Variants in TFEC observed in about 807,000 individuals in gnomAD.
The protein encoded by TFEC is transcription factor EC.
In TFEC, 31 loss-of-function variants were observed where a neutral mutation model predicts 41.6. The ratio of observed to expected loss-of-function variants is 0.74; its 90% confidence interval spans 0.56 to 1.01. The LOEUF is 1.01. TFEC is among the 50% of genes least tolerant of loss of function. The pLI, the probability that TFEC is intolerant of heterozygous loss-of-function variation, is 0.00. For synonymous variants in TFEC, 143 were observed against 140.6 expected, an observed-to-expected ratio of 1.02 and a Z score of -0.12; for missense variants, 402 against 404.1, an observed-to-expected ratio of 0.99 and a Z score of 0.04.
At chr7:116,124,003 G>T (rs532595850) in intron 1 of TFEC, among the ~76,000 whole-genome samples, 2 of 152,256 alleles carry the variant, frequency 1.3e-5, no homozygotes, top group South Asian at 4.1e-4. Flanking sequence ...ACTTTTAGTT[G>T]TCTATGGGTA....
At chr7:116,055,942 G>C (rs967712074) in intron 3 of TFEC, among the ~76,000 whole-genome samples, 20 of 151,932 alleles carry the variant, frequency 1.3e-4, no homozygotes, top group African/African-American at 4.6e-4. Flanking sequence ...ATAATTAACA[G>C]CTCTTAGAGA....
chr7:116,151,273 C>T (rs866476514), intron 1 of TFEC, among the ~76,000 whole-genome samples: 1 of 132,104 alleles, frequency 7.6e-6, no homozygotes, highest in African/African-American at 2.9e-5. Flanking sequence ...GATGGAGTCT[C>T]GCTCTGTCAC....
intron 3 of TFEC, among the ~76,000 whole-genome samples, chr7:116,109,769 T>C (rs1797806792): frequency 1.3e-5 from 2 of 152,186 alleles, no homozygotes; most frequent in South Asian, 4.1e-4. Context: ...TAAAGACACA[T>C]GCACACGTAT....
intron 1 of TFEC, among the ~76,000 whole-genome samples, chr7:116,155,796 T>TTACC (rs1798858820): frequency 1.3e-5 from 2 of 152,146 alleles, no homozygotes; most frequent in African/African-American, 4.8e-5. Context: ...CGGGGCTGCC[T>TTACC]AATTATTAAG....
intron 1 of TFEC, among the ~76,000 whole-genome samples, chr7:115,996,658 C>T (rs1279491643): frequency 3.9e-5 from 6 of 152,044 alleles, no homozygotes; most frequent in Admixed American, 1.3e-4. Flanking sequence ...ACTTGGCTAT[C>T]AGACAGCATT....
chr7:115,968,148 C>G (rs1170827089), intron 3 of TFEC: 1 of 1,511,882 alleles, frequency 6.6e-7, no homozygotes, highest in East Asian at 2.5e-5. Flanking sequence ...GGTTTCATCT[C>G]CAAACACTGA....
At chr7:115,956,183 G>T (rs916369988) in intron 4 of TFEC, among the ~76,000 whole-genome samples, 18 of 151,712 alleles carry the variant, frequency 1.2e-4, no homozygotes, top group African/African-American at 3.6e-4. Flanking sequence ...AAAACTCAGG[G>T]TTTATTTTCA....
In TFEC at chr7:115,938,384, ATT is replaced by A. The variant is rs1793331769; in HGVS notation, c.*2165_*2166del. ...TTATCAACTCAGATAATGAAGTGGA[ATT>A]TTGTTATAAAATTAAAAGTATGTAA... is the stretch of plus-strand genomic sequence containing the variant. On this transcript the variant is annotated 3_prime_UTR_variant, in exon 8 of 8. Transcript: ENST00000265440. 6.6e-6 allele frequency: 1 copy of A among 151,926 alleles called. No homozygotes were observed. Among genetic ancestry groups the A allele is most frequent in the Non-Finnish European group, 1.5e-5 (1 of 67,888 alleles). 9.4% of individuals were successfully genotyped at this position (151,926 alleles called of 1,614,324 possible).
chr7:115,971,181 G>C (rs1793117424), intron 3 of TFEC, among the ~76,000 whole-genome samples: 1 of 151,884 alleles, frequency 6.6e-6, no homozygotes, highest in South Asian at 2.1e-4. Flanking sequence ...TCTAGGGTAG[G>C]CCCAAGACCC....
intron 6 of TFEC, among the ~76,000 whole-genome samples, chr7:115,942,507 A>T (rs1793558014): frequency 6.6e-6 from 1 of 152,028 alleles, no homozygotes; most frequent in South Asian, 2.1e-4. Flanking sequence ...CTAAGAAAAA[A>T]TTAAAGTCCC....
Position 115,938,505 on chromosome 7 carries a change from C to A in TFEC, c.*2046G>T, listed in dbSNP as rs1392302187. 2 of 151,748 alleles carry A rather than the reference C, an allele frequency of 1.3e-5. No homozygotes were observed. The highest frequency in any genetic ancestry group is 3.9e-4 in the East Asian group (2 of 5,174). 9.4% of individuals were successfully genotyped at this position (151,748 alleles called of 1,614,324 possible). A position where few individuals can be genotyped will look rare whatever the true frequency, so the allele number is the denominator to read the frequency against. ...TATCTATCAGGCTTTAATGACTGTA[C>A]CCAGAAGTTAGTAATTATTTTTCCA... On this transcript the variant is annotated 3_prime_UTR_variant, in exon 8 of 8. Transcript: ENST00000265440.
chr7:115,957,766 T>A (rs993054012), intron 3 of TFEC, among the ~76,000 whole-genome samples: 2 of 151,818 alleles, frequency 1.3e-5, no homozygotes, highest in Admixed American at 6.6e-5. Flanking sequence ...AATAAAACAA[T>A]GCTTTAACAA....
intron 1 of TFEC, chr7:116,112,084 T>A: frequency 7.8e-6 from 7 of 900,074 alleles, no homozygotes; most frequent in Non-Finnish European, 9.3e-6. Flanking sequence ...TTAACTTTAA[T>A]AATACTGTTC....
chr7:116,003,252 A>T (rs201744032), intron 1 of TFEC, among the ~76,000 whole-genome samples: 7 of 13,408 alleles, frequency 5.2e-4, no homozygotes, highest in South Asian at 4.0e-3. Flanking sequence ...CTTTAAATTT[A>T]AAAAAAAAAA....
At chr7:116,045,136 T>C (rs1021256059) in intron 3 of TFEC, among the ~76,000 whole-genome samples, 6 of 152,148 alleles carry the variant, frequency 3.9e-5, no homozygotes, top group African/African-American at 1.4e-4. Flanking sequence ...CAGGAAAATA[T>C]GGGAAAGTTT....
At chr7:115,980,887 T>A (rs1228532980) in intron 2 of TFEC, among the ~76,000 whole-genome samples, 2 of 152,206 alleles carry the variant, frequency 1.3e-5, no homozygotes, top group African/African-American at 4.8e-5. Context: ...CTCTCTTATT[T>A]TTGTTGTTAA....
intron 3 of TFEC, among the ~76,000 whole-genome samples, chr7:116,071,593 TAA>T (rs1441430748): frequency 6.6e-6 from 1 of 151,400 alleles, no homozygotes; most frequent in African/African-American, 2.4e-5. Context: ...TGACTAGATC[TAA>T]AGAGATTTAT....
At chr7:116,068,815 A>T (rs542789467) in intron 3 of TFEC, among the ~76,000 whole-genome samples, 8 of 151,804 alleles carry the variant, frequency 5.3e-5, no homozygotes, top group African/African-American at 1.9e-4. Flanking sequence ...AAGCTGTAAC[A>T]AAAATCAACT....
intron 1 of TFEC, among the ~76,000 whole-genome samples, chr7:116,019,979 TG>T (rs2130850403): frequency 6.6e-6 from 1 of 152,318 alleles, no homozygotes; most frequent in East Asian, 1.9e-4. Flanking sequence ...AATAATAGCA[TG>T]AATTGCTAAT....
Sources: gnomAD v4.1 joint callset for allele counts (sites outside exome capture counted in the v4.1 genomes callset) on GRCh38, gnomAD v4.1.1 for gene constraint, MANE v1.5 for transcripts, NCBI Gene and HGNC (gene_info 2026-07-23, HGNC 2026-07-21) for gene names.